BCL7C: variants seen among roughly 807,000 people sequenced by gnomAD.
BCL7C encodes B-cell CLL/lymphoma 7 protein family member C.
In BCL7C, 8 loss-of-function variants were observed where a neutral mutation model predicts 26.2. The observed-to-expected ratio is 0.30, with a 90% CI of 0.18 to 0.55. BCL7C has a LOEUF of 0.55. Among genes scored for constraint, BCL7C ranks in the 20% least tolerant of loss-of-function variants. BCL7C has a pLI of 0.93. For missense variants in BCL7C, 262 were observed against 298.5 expected (o/e 0.88, Z 0.90); for synonymous variants, 90 against 116.5 (o/e 0.77, Z 1.47).
intron 5 of BCL7C, among the ~76,000 whole-genome samples, chr16:30,869,455 T>C (rs939162760): frequency 2.0e-5 from 3 of 151,002 alleles, no homozygotes; most frequent in Non-Finnish European, 4.4e-5. Flanking sequence ...ATCTCCTGCC[T>C]CTGCCTCCCA....
chr16:30,849,186 CAAAAAAAAAAAAA>C (rs1238070117), intron 5 of BCL7C, among the ~76,000 whole-genome samples: 25 of 124,890 alleles, frequency 2.0e-4, no homozygotes, highest in Non-Finnish European at 3.9e-4. Context: ...GACTCCGTCT[CAAAAAAAAAAAAA>C]GAAAAAGAAA....
At chr16:30,887,759 TC>T, downstream of BCL7C, 1 of 1,474,156 alleles carries the variant, frequency 6.8e-7, no homozygotes. Flanking sequence ...CCAAAGACCC[TC>T]CCCAGCCCTG....
chr16:30,884,157 G>A (rs1244763566), downstream of BCL7C, among the ~76,000 whole-genome samples: 1 of 151,082 alleles, frequency 6.6e-6, no homozygotes, highest in East Asian at 2.0e-4. Flanking sequence ...AAAGAATGGG[G>A]CATGAGAGGG....
At chr16:30,884,643 C>G (rs1298139317), downstream of BCL7C, among the ~76,000 whole-genome samples, 1 of 151,842 alleles carries the variant, frequency 6.6e-6, no homozygotes, top group South Asian at 2.1e-4. Flanking sequence ...ATTACAGATG[C>G]CCCGCAACCA....
chr16:30,866,521 G>C (rs1050431676), intron 5 of BCL7C, among the ~76,000 whole-genome samples: 1 of 149,300 alleles, frequency 6.7e-6, no homozygotes, highest in Non-Finnish European at 1.5e-5. Flanking sequence ...AGGTTGCAGT[G>C]AGCCAAGATC....
intron 5 of BCL7C, among the ~76,000 whole-genome samples, chr16:30,849,194 AAAAAAG>A (rs1285331940): frequency 6.6e-6 from 1 of 151,900 alleles, no homozygotes; most frequent in East Asian, 1.9e-4. Flanking sequence ...CTCAAAAAAA[AAAAAAG>A]AAAAAGAAAA....
At chr16:30,878,066 T>C (rs1297775003) in intron 5 of BCL7C, among the ~76,000 whole-genome samples, 3 of 151,804 alleles carry the variant, frequency 2.0e-5, no homozygotes, top group Non-Finnish European at 2.9e-5. Flanking sequence ...TCCCAGCTAC[T>C]TGGGAGGCTG....
At chr16:30,875,650 C>T (rs756942123) in intron 5 of BCL7C, 2 of 152,278 alleles carry the variant, frequency 1.3e-5, no homozygotes, top group Non-Finnish European at 2.9e-5. Context: ...TTAAAACCTC[C>T]ACCGGGCCGC....
At chr16:30,870,815 G>A (rs1464974615) in intron 5 of BCL7C, among the ~76,000 whole-genome samples, 3 of 152,198 alleles carry the variant, frequency 2.0e-5, no homozygotes, top group Non-Finnish European at 2.9e-5. Flanking sequence ...ACTCCAGAAT[G>A]TCCCTAAGGA....
Position 30,893,080 on chromosome 16 carries a change from G to A in BCL7C, c.171+132C>T. 1.6e-6 allele frequency: 2 copies of A among 1,224,044 alleles called. No homozygotes were observed. Among genetic ancestry groups the A allele is most frequent in the Non-Finnish European group, 1.2e-6 (1 of 862,252 alleles). The allele number at this position is 1,224,044 out of a possible 1,614,324, so 75.8% of individuals were successfully genotyped here. On this transcript the variant is annotated intron_variant, in intron 2 of 5. Transcript: ENST00000215115. This position sits in a 1 kb window ranked among gnomAD's most constrained non-coding sequence, Gnocchi z 5.2. ...CAGAAAAGAGGGCAAAAGGGGAGGAGCTGCTAATGATGGTTCCCGTCTGTC... is the reference window on the plus strand; with the variant it reads ...CAGAAAAGAGGGCAAAAGGGGAGGAACTGCTAATGATGGTTCCCGTCTGTC...
rs2054559485 is a variant in BCL7C, at chr16:30,834,812, TG to T, written c.*135del. ...CTGTGGCCTTAGGTTCGGGCAGGTG[TG>T]GGGCCGCTCGCCCTCCGATGTTACC... On this transcript the variant is annotated 3_prime_UTR_variant, in exon 6 of 6. Coordinates refer to the BCL7C transcript ENST00000380317. The surrounding 1 kb of genome is among the most constrained non-coding windows in gnomAD (Gnocchi z 4.3). 2.3e-6 allele frequency: 2 copies of T among 862,672 alleles called. No homozygotes were observed. The highest frequency in any genetic ancestry group is 6.2e-5 in the Admixed American group (2 of 32,190). 53.4% of individuals were successfully genotyped at this position (862,672 alleles called of 1,614,324 possible). A position where few individuals can be genotyped will look rare whatever the true frequency, so the allele number is the denominator to read the frequency against.
chr16:30,850,885 G>T (rs537711062), intron 5 of BCL7C, among the ~76,000 whole-genome samples: 1 of 152,234 alleles, frequency 6.6e-6, no homozygotes, highest in East Asian at 1.9e-4. Context: ...TTACAAAAAA[G>T]ATTTTTTCTG....
At chr16:30,861,653 G>A (rs912398323) in intron 5 of BCL7C, among the ~76,000 whole-genome samples, 5 of 152,024 alleles carry the variant, frequency 3.3e-5, no homozygotes, top group South Asian at 2.1e-4. Flanking sequence ...TGATTGCCTC[G>A]GAAGCCTCCT....
At chr16:30,861,862 T>C (rs962766874) in intron 5 of BCL7C, among the ~76,000 whole-genome samples, 1 of 139,434 alleles carries the variant, frequency 7.2e-6, no homozygotes. Context: ...ACATGCTTTT[T>C]TTTTTTTTTT....
rs758573108 is a variant in BCL7C, at chr16:30,879,700, A to AAAAAAAAAAAAAAAAAAAAAC, written c.528+9159_528+9160insGTTTTTTTTTTTTTTTTTTTT. The stretch of plus-strand genomic sequence containing the variant: ...ACTCCCCTTCTCTACAAAAAAAAAA[A>AAAAAAAAAAAAAAAAAAAAAC]AAAAAAAAACTGGGCACGGTGGCTC... On this transcript the variant is annotated intron_variant, in intron 5 of 5. Transcript: ENST00000380317. 1.2e-4 allele frequency among the ~76,000 whole-genome samples: 16 copies of AAAAAAAAAAAAAAAAAAAAAC among 135,004 alleles called. 1 individual carries two copies. The highest frequency in any genetic ancestry group is 1.7e-4 in the Non-Finnish European group (10 of 59,546). 88.6% of individuals were successfully genotyped at this position (135,004 alleles called of 152,430 possible).
chr16:30,883,982 G>A (rs1345837537), downstream of BCL7C, among the ~76,000 whole-genome samples: 2 of 151,272 alleles, frequency 1.3e-5, no homozygotes, highest in African/African-American at 2.4e-5. Context: ...AAAATTAGCC[G>A]GGCGAGGTGG....
intron 4 of BCL7C, 76 bp downstream of exon 4, chr16:30,892,510 G>T: frequency 6.9e-7 from 1 of 1,453,878 alleles, no homozygotes; most frequent in Non-Finnish European, 9.2e-7. Context: ...AGCAGGTATA[G>T]GGATGAGCTG....
intron 5 of BCL7C, chr16:30,888,630 C>T (rs945838072): frequency 1.1e-5 from 4 of 377,928 alleles, no homozygotes; most frequent in African/African-American, 8.4e-5. Context: ...CCACCACGCC[C>T]AGCTTTGTCA....
rs375608610 is a variant in BCL7C at position 30,892,752 on chromosome 16, G to A, written c.281-5C>T. On this transcript the variant is annotated splice_polypyrimidine_tract_variant and splice_region_variant and intron_variant, in intron 3 of 5. Coordinates refer to ENST00000215115, the MANE Select transcript of BCL7C (RefSeq NM_004765.4). ...AACTCTGGTTGCTGTTCTCATCTGC[G>A]GGAGCAAGAGCCGAGATGGTTGGCC... The A allele has an allele frequency of 2.9e-5, 47 of 1,614,124 alleles. No homozygotes were observed. Among genetic ancestry groups the A allele is most frequent in the South Asian group, 2.1e-4 (19 of 91,092 alleles).
Sources: allele counts gnomAD v4.1 joint callset (sites outside exome capture counted in the v4.1 genomes callset), GRCh38; gene constraint gnomAD v4.1.1; non-coding constraint Gnocchi (gnomAD v3.1); transcripts MANE v1.5; gene names NCBI Gene and HGNC (gene_info 2026-07-23, HGNC 2026-07-21).